FRYL: variants seen among roughly 807,000 people sequenced by gnomAD.
FRYL encodes the protein FRY like transcription coactivator.
A neutral mutation model predicts 351.2 loss-of-function variants in FRYL; 150 were observed. The observed-to-expected ratio is 0.43, with a 90% CI of 0.37 to 0.49. The LOEUF (loss-of-function observed/expected upper bound fraction) is 0.49, where lower values mean the gene tolerates loss of function less well. Ranked by LOEUF, FRYL falls within the 20% of genes least tolerant of loss-of-function variation. FRYL has a pLI of 0.00. For missense variants in FRYL, 3,036 were observed against 3,619.3 expected, an observed-to-expected ratio of 0.84 and a Z score of 4.13; for synonymous variants, 1,153 against 1,257.1, an observed-to-expected ratio of 0.92 and a Z score of 1.75.
Position 48,606,997 on chromosome 4 carries a change from A to G in FRYL, c.573-391T>C, listed in dbSNP as rs143530812. Reference sequence around the variant, plus strand: ...ATAAAGTCTGCAATTAGTTATATGGAGAGCATATTGGAGACTATAAATTTG... The same window carrying G: ...ATAAAGTCTGCAATTAGTTATATGGGGAGCATATTGGAGACTATAAATTTG... On this transcript the variant is annotated intron_variant, in intron 9 of 63. Transcript: ENST00000358350. Among the ~76,000 whole-genome samples the G allele has an allele frequency of 1.2e-3, 179 of 152,340 alleles. 2 individuals are homozygous for G. In the East Asian group the frequency reaches 0.019, roughly 16 times the overall value.
At chr4:48,579,322 G>C in intron 22 of FRYL, 81 bp from the exon 23 acceptor site, 2 of 1,148,420 alleles carry the variant, frequency 1.7e-6, no homozygotes, top group Non-Finnish European at 2.5e-6. Flanking sequence ...TAAACTGAAA[G>C]TGGTGTATTA....
At chr4:48,713,715 G>A (rs141702938) in intron 1 of FRYL, among the ~76,000 whole-genome samples, 2 of 152,188 alleles carry the variant, frequency 1.3e-5, no homozygotes, top group African/African-American at 4.8e-5. Context: ...AGATCAATGA[G>A]ATAGAAAGTT....
chr4:48,766,242 G>C (rs1490205577), intron 1 of FRYL, among the ~76,000 whole-genome samples: 2 of 152,158 alleles, frequency 1.3e-5, no homozygotes, highest in Non-Finnish European at 2.9e-5. Context: ...TGGTTTGTGA[G>C]GAACTACACA....
rs1461540255 is a variant in FRYL at position 48,497,944 on chromosome 4, AT to A, written c.*1477del. 6.6e-6 allele frequency: 1 copy of A among 152,580 alleles called. No homozygotes were observed. The allele number at this position is 152,580 out of a possible 1,614,324, so 9.5% of individuals were successfully genotyped here. A position where few individuals can be genotyped will look rare whatever the true frequency, so the allele number is the denominator to read the frequency against. On this transcript the variant is annotated 3_prime_UTR_variant, in exon 64 of 64. Coordinates refer to ENST00000358350, the MANE Select transcript of FRYL (RefSeq NM_015030.2). ...CCCCCAAGAAAAGGTAAAGCTAAGC[AT>A]TTCATTTCTACATTCTAAACTCTGG...
chr4:48,774,483 G>A (rs1229716789), intron 1 of FRYL, among the ~76,000 whole-genome samples: 1 of 152,070 alleles, frequency 6.6e-6, no homozygotes, highest in Non-Finnish European at 1.5e-5. Context: ...GGAAAAGGAG[G>A]GTGGTAGGGG....
intron 7 of FRYL, among the ~76,000 whole-genome samples, chr4:48,614,815 CTTTTTTTTTTTTTTTTT>C (rs369399363): frequency 1.5e-5 from 1 of 67,928 alleles, no homozygotes; most frequent in Non-Finnish European, 2.5e-5. Flanking sequence ...AAGTTTAATG[CTTTTTTTTTTTTTTTTT>C]TTTTTTTTTT....
intron 16 of FRYL, among the ~76,000 whole-genome samples, chr4:48,592,487 A>AT (rs1322572617): frequency 1.8e-4 from 28 of 152,132 alleles, no homozygotes; most frequent in East Asian, 1.5e-3. Context: ...AGCAGAACTG[A>AT]TTTTTTTTAC....
chr4:48,624,442 T>C (rs530153242), intron 4 of FRYL, among the ~76,000 whole-genome samples: 1 of 152,288 alleles, frequency 6.6e-6, no homozygotes, highest in East Asian at 1.9e-4. Context: ...GCATATGTAC[T>C]CATTCTTGCT....
intron 1 of FRYL, among the ~76,000 whole-genome samples, chr4:48,738,186 G>A (rs1276926240): frequency 6.6e-6 from 1 of 152,106 alleles, no homozygotes; most frequent in Non-Finnish European, 1.5e-5. Context: ...CAGATGACAG[G>A]ATCATTTATG....
At chr4:48,628,800 T>C (rs1043867605) in intron 4 of FRYL, among the ~76,000 whole-genome samples, 11 of 152,022 alleles carry the variant, frequency 7.2e-5, no homozygotes, top group African/African-American at 2.7e-4. Context: ...CTGCAATTAT[T>C]ATACGTCAAT....
chr4:48,521,366 A>C, intron 54 of FRYL, 151 bp from the exon 55 acceptor site: 1 of 603,780 alleles, frequency 1.7e-6, no homozygotes, highest in Non-Finnish European at 2.8e-6. Flanking sequence ...CTACACCAGA[A>C]TGGGTGTTGT....
rs775924578 is a variant in FRYL at position 48,602,004 on chromosome 4, T to A, written c.1035+16A>T. 5.2e-6 allele frequency: 7 copies of A among 1,346,764 alleles called. No homozygotes were observed. The highest frequency in any genetic ancestry group is 7.4e-6 in the Non-Finnish European group (7 of 939,830). 83.4% of individuals were successfully genotyped at this position (1,346,764 alleles called of 1,614,324 possible). A position where few individuals can be genotyped will look rare whatever the true frequency, so the allele number is the denominator to read the frequency against. The stretch of plus-strand genomic sequence containing the variant: ...CCAGTCAGTATTTACATATCAGAAG[T>A]GTGATTACATCTTACCTTTAAATGT... On this transcript the variant is annotated intron_variant, in intron 13 of 63. Coordinates refer to ENST00000358350, the MANE Select transcript of FRYL (RefSeq NM_015030.2).
At chr4:48,526,024 C>T (rs1279427357) in intron 53 of FRYL, among the ~76,000 whole-genome samples, 2 of 148,988 alleles carry the variant, frequency 1.3e-5, no homozygotes, top group African/African-American at 5.0e-5. Context: ...TGTGTATGAG[C>T]TGTATATTAG....
Position 48,571,010 on chromosome 4 carries a change from A to G in FRYL, c.2905-92T>C. On this transcript the variant is annotated intron_variant, in intron 26 of 63. Transcript: ENST00000358350. ...TGCCTCAGAGAGAGGTTCTGGGCTC[A>G]TTGAAGTTATTTTGCTTGTACAGTG... 4 of 1,013,424 alleles carry G rather than the reference A, an allele frequency of 3.9e-6. No individual in the cohort carries two copies. In the South Asian group the frequency reaches 5.7e-5, roughly 14 times the overall value. The allele number at this position is 1,013,424 out of a possible 1,614,324, so 62.8% of individuals were successfully genotyped here.
chr4:48,666,747 T>C (rs1761776373), intron 3 of FRYL, among the ~76,000 whole-genome samples: 1 of 152,168 alleles, frequency 6.6e-6, no homozygotes, highest in East Asian at 1.9e-4. Context: ...GAACGTTTCA[T>C]AGTTTTTTTT....
chr4:48,528,896 AACTC>A (rs1350546859), intron 50 of FRYL, among the ~76,000 whole-genome samples: 1 of 152,160 alleles, frequency 6.6e-6, no homozygotes, highest in Non-Finnish European at 1.5e-5. Flanking sequence ...GATAATCAAA[AACTC>A]ATTTATATTT....
At chr4:48,723,123 C>T (rs1769675641) in intron 1 of FRYL, among the ~76,000 whole-genome samples, 1 of 151,850 alleles carries the variant, frequency 6.6e-6, no homozygotes. Flanking sequence ...GGACCTCAAA[C>T]CTAACAGGTT....
At chr4:48,754,554 A>G (rs1323415986) in intron 1 of FRYL, among the ~76,000 whole-genome samples, 2 of 152,032 alleles carry the variant, frequency 1.3e-5, no homozygotes, top group African/African-American at 4.8e-5. Flanking sequence ...CTGAGAAGCC[A>G]CCCAACTGTC....
At chr4:48,537,368 G>A (rs954962201) in intron 47 of FRYL, among the ~76,000 whole-genome samples, 1 of 152,142 alleles carries the variant, frequency 6.6e-6, no homozygotes, top group African/African-American at 2.4e-5. Context: ...CAAAAAGAGT[G>A]TGTTTTATAA....
Sources: gnomAD v4.1 joint callset for allele counts (sites outside exome capture counted in the v4.1 genomes callset) on GRCh38, gnomAD v4.1.1 for gene constraint, MANE v1.5 for transcripts, NCBI Gene and HGNC (gene_info 2026-07-23, HGNC 2026-07-21) for gene names.